C4BPA: variants seen among roughly 807,000 people sequenced by gnomAD.
The protein encoded by C4BPA is complement component 4 binding protein alpha.
A neutral mutation model predicts 63.7 loss-of-function variants in C4BPA; 31 were observed. The ratio of observed to expected loss-of-function variants is 0.49; its 90% CI spans 0.37 to 0.66. The LOEUF is 0.66. Ranked by LOEUF, C4BPA falls within the 30% of genes least tolerant of loss-of-function variation. C4BPA has a pLI of 0.00. For synonymous variants in C4BPA, 259 were observed against 254.7 expected (o/e 1.02, Z -0.16); for missense variants, 572 against 723.3 (o/e 0.79, Z 2.40).
rs1307838203 is a variant in C4BPA at position 207,124,050 on chromosome 1, G to T, written c.514+43G>T. ...TGACTTGACTATCAATTTAAACTCT[G>T]TTAGGTAATAAAGTCCCTGTGCATC... On this transcript the variant is annotated intron_variant, in intron 5 of 11. Transcript: ENST00000367070. 4.6e-6 allele frequency: 7 copies of T among 1,520,532 alleles called. No homozygotes were observed. In the South Asian group the frequency reaches 7.9e-5, roughly 17 times the overall value. 94.2% of individuals were successfully genotyped at this position (1,520,532 alleles called of 1,614,324 possible).
intron 1 of C4BPA, among the ~76,000 whole-genome samples, chr1:207,107,478 G>A (rs952373549): frequency 7.2e-5 from 11 of 152,204 alleles, no homozygotes; most frequent in African/African-American, 2.7e-4. Flanking sequence ...GAGTCCAGGA[G>A]GTTGAGGCTG....
intron 9 of C4BPA, among the ~76,000 whole-genome samples, chr1:207,136,654 C>G (rs1260211534): frequency 1.3e-5 from 2 of 152,194 alleles, no homozygotes; most frequent in East Asian, 1.9e-4. Context: ...AATGCAGCTT[C>G]CATTCATTTT....
At chr1:207,120,659 C>A (rs1277005647) in intron 4 of C4BPA, among the ~76,000 whole-genome samples, 2 of 152,070 alleles carry the variant, frequency 1.3e-5, no homozygotes, top group African/African-American at 4.8e-5. Context: ...CTAGATTAAC[C>A]AAGAATGTTA....
At chr1:207,133,310 C>T (rs1200272181) in intron 8 of C4BPA, among the ~76,000 whole-genome samples, 3 of 152,010 alleles carry the variant, frequency 2.0e-5, no homozygotes, top group Non-Finnish European at 4.4e-5. Context: ...TCCAAAAGAC[C>T]CCATTTTAAT....
intron 9 of C4BPA, 104 bp downstream of exon 9, chr1:207,134,696 T>A (rs1230751650): frequency 1.3e-6 from 1 of 748,712 alleles, no homozygotes; most frequent in Non-Finnish European, 2.1e-6. Flanking sequence ...TCATATACCT[T>A]GCATGATTCT....
rs140442897 is a variant in C4BPA at position 207,134,262 on chromosome 1, T to C, written c.1085-142T>C. 5 of 617,090 alleles carry C rather than the reference T, an allele frequency of 8.1e-6. No homozygotes were observed. The Admixed American group carries it at 9.0e-5, about 11-fold the overall frequency. The allele number at this position is 617,090 out of a possible 1,614,324, so 38.2% of individuals were successfully genotyped here. A position where few individuals can be genotyped will look rare whatever the true frequency, so the allele number is the denominator to read the frequency against. Reference sequence around the variant, plus strand: ...CAAATAAGGGGGGAAAGAGCAGACTTGGAGTGTCTTGGGTCTCCCTTTCTG... The same window carrying C: ...CAAATAAGGGGGGAAAGAGCAGACTCGGAGTGTCTTGGGTCTCCCTTTCTG... On this transcript the variant is annotated intron_variant, in intron 8 of 11. Coordinates refer to ENST00000367070, the MANE Select transcript of C4BPA (RefSeq NM_000715.4).
intron 9 of C4BPA, among the ~76,000 whole-genome samples, chr1:207,136,045 A>T (rs1685273730): frequency 1.3e-5 from 2 of 152,202 alleles, no homozygotes; most frequent in Non-Finnish European, 2.9e-5. Flanking sequence ...ATCAGAATAC[A>T]CTTCTCTTCC....
At chr1:207,120,048 T>C (rs1347964848) in intron 4 of C4BPA, among the ~76,000 whole-genome samples, 2 of 152,180 alleles carry the variant, frequency 1.3e-5, no homozygotes, top group African/African-American at 4.8e-5. Context: ...GCACCCAGTA[T>C]GTCTGGGTGC....
At chr1:207,141,415 T>C in intron 10 of C4BPA, 139 bp downstream of exon 10, 1 of 577,862 alleles carries the variant, frequency 1.7e-6, no homozygotes, top group Non-Finnish European at 2.9e-6. Flanking sequence ...TATATGCAAA[T>C]GGTACCCAAT....
At chr1:207,142,671 G>A (rs1372734879) in intron 10 of C4BPA, among the ~76,000 whole-genome samples, 1 of 152,158 alleles carries the variant, frequency 6.6e-6, no homozygotes, top group African/African-American at 2.4e-5. Flanking sequence ...AATGACCAGT[G>A]ATGATGAGTA....
At chr1:207,113,303 G>A (rs1307969034) in intron 2 of C4BPA, 136 bp downstream of exon 2, 3 of 938,354 alleles carry the variant, frequency 3.2e-6, no homozygotes, top group Admixed American at 2.7e-5. Context: ...TTATTTGACA[G>A]GCTAGAACTT....
At chr1:207,130,780 G>C (rs888033200) in intron 7 of C4BPA, among the ~76,000 whole-genome samples, 2 of 152,110 alleles carry the variant, frequency 1.3e-5, no homozygotes, top group Non-Finnish European at 2.9e-5. Context: ...TAGATTAGTG[G>C]TTGTCAGGAC....
intron 4 of C4BPA, among the ~76,000 whole-genome samples, chr1:207,115,954 A>G (rs1173779290): frequency 6.6e-6 from 1 of 152,118 alleles, no homozygotes; most frequent in Non-Finnish European, 1.5e-5. Context: ...GGATGTTTCT[A>G]ATCTTTTGCT....
intron 7 of C4BPA, 91 bp downstream of exon 7, chr1:207,126,986 T>A (rs2102343640): frequency 1.2e-6 from 1 of 840,588 alleles, no homozygotes; most frequent in Non-Finnish European, 1.9e-6. Flanking sequence ...ATAGGCCTAC[T>A]ATGAATTACA....
chr1:207,108,854 CT>C (rs1341669944), intron 1 of C4BPA, among the ~76,000 whole-genome samples: 2 of 152,084 alleles, frequency 1.3e-5, no homozygotes, highest in Non-Finnish European at 2.9e-5. Context: ...TCCTGAGTAG[CT>C]GGGATTACAG....
intron 10 of C4BPA, among the ~76,000 whole-genome samples, chr1:207,143,138 T>C (rs1390770170): frequency 2.6e-5 from 4 of 152,182 alleles, no homozygotes; most frequent in Admixed American, 6.5e-5. Flanking sequence ...ATATACACCA[T>C]GGAATACTGT....
intron 4 of C4BPA, among the ~76,000 whole-genome samples, chr1:207,116,530 G>A (rs999076601): frequency 1.3e-5 from 2 of 149,728 alleles, no homozygotes; most frequent in African/African-American, 2.4e-5. Flanking sequence ...GTGTGTGTGT[G>A]TGTGTGTGTG....
intron 4 of C4BPA, among the ~76,000 whole-genome samples, chr1:207,123,281 T>C (rs1176925984): frequency 6.6e-6 from 1 of 152,242 alleles, no homozygotes; most frequent in African/African-American, 2.4e-5. Flanking sequence ...GGCTCTTAGA[T>C]TGCTGAAGGT....
chr1:207,111,806 G>A (rs17186575), intron 1 of C4BPA, among the ~76,000 whole-genome samples: 6,638 of 152,238 alleles, frequency 0.044, 224 homozygotes, highest in Non-Finnish European at 0.065. Flanking sequence ...ATGGATGCAC[G>A]AGAGCGTCCA....
Sources: allele counts gnomAD v4.1 joint callset (sites outside exome capture counted in the v4.1 genomes callset), GRCh38; gene constraint gnomAD v4.1.1; transcripts MANE v1.5; gene names NCBI Gene and HGNC (gene_info 2026-07-23, HGNC 2026-07-21).